PTPRD: variants seen among roughly 807,000 people sequenced by gnomAD.
The protein encoded by PTPRD is receptor-type tyrosine-protein phosphatase delta.
A neutral mutation model predicts 214.5 loss-of-function variants in PTPRD; 34 were observed. The ratio of observed to expected loss-of-function variants is 0.16; its 90% CI spans 0.12 to 0.21. The LOEUF is 0.21. Ranked by LOEUF, PTPRD falls within the 10% of genes least tolerant of loss-of-function variation. The probability of loss-of-function intolerance (pLI) is 1.00; values close to 1 mark genes in which losing one functional copy is unlikely to be tolerated. For missense variants in PTPRD, 2,545 were observed against 2,398.7 expected, an observed-to-expected ratio of 1.06 and a Z score of -1.27; for synonymous variants, 1,128 against 845.7, an observed-to-expected ratio of 1.33 and a Z score of -5.79.
chr9:9,644,331 G>A (rs999425676), intron 7 of PTPRD, among the ~76,000 whole-genome samples: 3 of 151,932 alleles, frequency 2.0e-5, no homozygotes, highest in Non-Finnish European at 4.4e-5. Context: ...TGGTTTTCTG[G>A]GCTTCTCAGT....
At position 9,860,626 on chromosome 9, in the gene PTPRD, C is replaced by T. The variant is rs117187522; in HGVS notation, c.-368+77881G>A. 4.0e-3 allele frequency among the ~76,000 whole-genome samples: 612 copies of T among 152,276 alleles called. 1 individual carries two copies. Among genetic ancestry groups the T allele is most frequent in the Non-Finnish European group, 7.2e-3 (488 of 68,018 alleles). ...CTGATGATGACAAATACATTTCACA[C>T]TCTGAAGGAAAACAGGCAAAAGCTA... On this transcript the variant is annotated intron_variant, in intron 5 of 45. Transcript: ENST00000381196.
intron 5 of PTPRD, among the ~76,000 whole-genome samples, chr9:9,923,245 G>A (rs2083164162): frequency 9.8e-6 from 1 of 101,750 alleles, no homozygotes. Flanking sequence ...CACCCTTTCT[G>A]TTAGTTTTTT....
chr9:9,215,969 C>T (rs2099951920), intron 9 of PTPRD, among the ~76,000 whole-genome samples: 1 of 152,078 alleles, frequency 6.6e-6, no homozygotes, highest in African/African-American at 2.4e-5. Flanking sequence ...TTTGTGACAC[C>T]TTCTCCTCTG....
intron 2 of PTPRD, among the ~76,000 whole-genome samples, chr9:10,543,355 A>T (rs554243462): frequency 1.3e-5 from 2 of 152,130 alleles, no homozygotes; most frequent in Non-Finnish European, 2.9e-5. Context: ...TTAAAATACC[A>T]AATTCTGACT....
chr9:9,373,145 G>C (rs527595063), intron 9 of PTPRD, among the ~76,000 whole-genome samples: 1 of 152,022 alleles, frequency 6.6e-6, no homozygotes, highest in Non-Finnish European at 1.5e-5. Flanking sequence ...CACAGAGGCT[G>C]TATAGTACAA....
chr9:10,475,149 G>C (rs1193615213), intron 2 of PTPRD, among the ~76,000 whole-genome samples: 1 of 152,072 alleles, frequency 6.6e-6, no homozygotes, highest in Non-Finnish European at 1.5e-5. Context: ...CAGAATTGAA[G>C]GAGACAGAGA....
intron 11 of PTPRD, among the ~76,000 whole-genome samples, chr9:9,004,597 C>T (rs187733611): frequency 3.2e-4 from 48 of 152,008 alleles, no homozygotes; most frequent in Non-Finnish European, 7.4e-5. Flanking sequence ...TGGATCATTC[C>T]CATTTTCAAA....
At chr9:8,696,861 G>A (rs1322508768) in intron 12 of PTPRD, among the ~76,000 whole-genome samples, 1 of 152,164 alleles carries the variant, frequency 6.6e-6, no homozygotes, top group Non-Finnish European at 1.5e-5. Flanking sequence ...CCCTTTCTTA[G>A]TATTCCTGCC....
At chr9:10,141,721 T>A (rs36135109) in intron 3 of PTPRD, among the ~76,000 whole-genome samples, 31,780 of 151,440 alleles carry the variant, frequency 0.21, 3,380 homozygotes, top group South Asian at 0.38. Context: ...AAGCTAACAA[T>A]GACTTTCTTC....
intron 7 of PTPRD, among the ~76,000 whole-genome samples, chr9:9,675,626 A>G (rs557312112): frequency 3.1e-4 from 47 of 152,070 alleles, no homozygotes; most frequent in African/African-American, 1.1e-3. Flanking sequence ...TAATTTGAAA[A>G]CAGATGAAAA....
chr9:8,800,943 G>C (rs553561273), intron 11 of PTPRD, among the ~76,000 whole-genome samples: 1 of 152,300 alleles, frequency 6.6e-6, no homozygotes, highest in Admixed American at 6.5e-5. Flanking sequence ...GGGAAACCTA[G>C]GCAGGCAGTC....
chr9:10,337,847 A>G (rs547376687), intron 3 of PTPRD, among the ~76,000 whole-genome samples: 5 of 151,858 alleles, frequency 3.3e-5, no homozygotes, highest in African/African-American at 1.2e-4. Context: ...TTTTACCCGT[A>G]TAACATTTTT....
chr9:9,787,943 G>A (rs1013746389), intron 5 of PTPRD, among the ~76,000 whole-genome samples: 8 of 151,488 alleles, frequency 5.3e-5, no homozygotes, highest in Admixed American at 2.0e-4. Context: ...CACCATGCCT[G>A]GCTAATTTTT....
chr9:8,955,266 G>A (rs1377835401), intron 11 of PTPRD, among the ~76,000 whole-genome samples: 41 of 151,876 alleles, frequency 2.7e-4, no homozygotes, highest in Non-Finnish European at 2.9e-5. Flanking sequence ...AGCCTTGAAA[G>A]TAAAGGTTAC....
chr9:9,319,076 C>G (rs1357351767), intron 9 of PTPRD, among the ~76,000 whole-genome samples: 1 of 152,136 alleles, frequency 6.6e-6, no homozygotes, highest in Admixed American at 6.6e-5. Context: ...ATAGGCTTGA[C>G]GAAAAGGATT....
intron 9 of PTPRD, among the ~76,000 whole-genome samples, chr9:9,206,411 G>A (rs1417329562): frequency 6.6e-6 from 1 of 152,178 alleles, no homozygotes; most frequent in Non-Finnish European, 1.5e-5. Context: ...GTTGGGGGAG[G>A]CAAGAGAAAT....
intron 8 of PTPRD, among the ~76,000 whole-genome samples, chr9:9,427,571 G>C (rs1284416677): frequency 2.6e-5 from 4 of 152,100 alleles, no homozygotes; most frequent in Non-Finnish European, 1.5e-5. Context: ...ATGCCACAAA[G>C]ATACTCTTCA....
At chr9:8,376,867 C>A in intron 37 of PTPRD, 141 bp from the exon 38 acceptor site, 2 of 1,109,464 alleles carry the variant, frequency 1.8e-6, no homozygotes, top group South Asian at 1.6e-5. Flanking sequence ...TTTTGTTATC[C>A]CAATATATGT....
chr9:8,819,248 A>T (rs1027269973), intron 11 of PTPRD, among the ~76,000 whole-genome samples: 54 of 152,242 alleles, frequency 3.5e-4, no homozygotes, highest in African/African-American at 1.2e-3. Context: ...GACATGCTTG[A>T]ATAAATAAAA....
Sources: allele counts gnomAD v4.1 joint callset (sites outside exome capture counted in the v4.1 genomes callset), GRCh38; gene constraint gnomAD v4.1.1; transcripts MANE v1.5; gene names NCBI Gene and HGNC (gene_info 2026-07-23, HGNC 2026-07-21).